The following MBTD1 variants were observed in gnomAD, a reference collection of about 807,000 sequenced individuals.
MBTD1 encodes mbt domain containing 1, also known as MBT domain-containing protein 1.
In MBTD1, 24 loss-of-function variants were observed where a neutral mutation model predicts 87.8. The observed-to-expected ratio is 0.27, with a 90% CI of 0.20 to 0.38. MBTD1 has a LOEUF of 0.38. Ranked by LOEUF, MBTD1 falls within the 10% of genes least tolerant of loss-of-function variation. The pLI is 1.00. For missense variants in MBTD1, 436 were observed against 760.2 expected (o/e 0.57, Z 5.02); for synonymous variants, 237 against 248.6 (o/e 0.95, Z 0.44).
intron 6 of MBTD1, among the ~76,000 whole-genome samples, chr17:51,211,691 T>C (rs1428727443): frequency 2.6e-5 from 4 of 152,010 alleles, no homozygotes; most frequent in South Asian, 2.1e-4. Flanking sequence ...GAATGCTACA[T>C]TGAAGATTTT....
intron 12 of MBTD1, among the ~76,000 whole-genome samples, chr17:51,196,040 T>C (rs1028955283): frequency 2.0e-5 from 3 of 152,134 alleles, no homozygotes; most frequent in Non-Finnish European, 2.9e-5. Flanking sequence ...CCTGAGTAGC[T>C]AGGACTACAG....
intron 2 of MBTD1, among the ~76,000 whole-genome samples, chr17:51,247,203 T>C (rs1283162393): frequency 6.6e-6 from 1 of 152,200 alleles, no homozygotes; most frequent in Non-Finnish European, 1.5e-5. Flanking sequence ...TTTTTCGGCT[T>C]CTATAAAGAG....
intron 13 of MBTD1, among the ~76,000 whole-genome samples, chr17:51,194,727 GA>G (rs202219609): frequency 0.16 from 20,828 of 133,168 alleles, 1,667 homozygotes; most frequent in Admixed American, 0.24. Context: ...TACATACAAA[GA>G]AAAAAAAAAA....
intron 2 of MBTD1, among the ~76,000 whole-genome samples, chr17:51,242,915 C>T (rs762311110): frequency 6.6e-6 from 1 of 152,162 alleles, no homozygotes; most frequent in Non-Finnish European, 1.5e-5. Context: ...AGTGCACTGA[C>T]ATCTTCCTTA....
chr17:51,203,749 C>T (rs755044469), intron 8 of MBTD1, 42 bp downstream of exon 8: 1 of 1,573,274 alleles, frequency 6.4e-7, no homozygotes, highest in African/African-American at 1.4e-5. Context: ...CATTAAAGTA[C>T]ACATATAAAA....
At position 51,201,616 on chromosome 17, in the gene MBTD1, T is replaced by C; in HGVS notation, c.1200A>G (p.Thr400=). The C allele has an allele frequency of 1.2e-6, 2 of 1,607,236 alleles. No individual in the cohort carries two copies. Among genetic ancestry groups the C allele is most frequent in the Non-Finnish European group, 1.7e-6 (2 of 1,175,812 alleles). ...CCTTTCTAATGGTTGCGACACATAT[T>C]GTAGAAAGATTTAATGGGTCTATAG... ...LEAIDPLNLS[T]ICVATIRKVL... is the part of the protein sequence containing the mutation. Residue 400 remains threonine (T), a synonymous_variant, in exon 12 of 17, where the codon ACA becomes ACG. Transcript: ENST00000586178.
chr17:51,227,766 G>A (rs1012500343), intron 2 of MBTD1, among the ~76,000 whole-genome samples: 1 of 151,832 alleles, frequency 6.6e-6, no homozygotes, highest in South Asian at 2.1e-4. Flanking sequence ...CCTAGTCCAC[G>A]TGGGGAAATC....
At chr17:51,192,402 C>A in intron 15 of MBTD1, 122 bp from the exon 16 acceptor site, 2 of 711,630 alleles carry the variant, frequency 2.8e-6, no homozygotes, top group South Asian at 1.9e-5. Context: ...GTACATGATG[C>A]TCTGAAAATA....
intron 12 of MBTD1, among the ~76,000 whole-genome samples, chr17:51,197,914 C>G (rs979101476): frequency 6.6e-6 from 1 of 152,168 alleles, no homozygotes; most frequent in Admixed American, 6.5e-5. Context: ...TTCTGGAATG[C>G]TCTTTCACCT....
intron 12 of MBTD1, among the ~76,000 whole-genome samples, chr17:51,196,220 C>T (rs911164669): frequency 1.3e-5 from 2 of 150,242 alleles, no homozygotes; most frequent in African/African-American, 4.9e-5. Flanking sequence ...CTGTGCCCAC[C>T]CTGCCTTTTT....
At chr17:51,249,397 A>G (rs2054642291) in intron 2 of MBTD1, among the ~76,000 whole-genome samples, 1 of 152,134 alleles carries the variant, frequency 6.6e-6, no homozygotes, top group Non-Finnish European at 1.5e-5. Context: ...ATTTCTTCTT[A>G]TACTTCATAT....
chr17:51,211,833 C>T (rs1016812008), intron 6 of MBTD1, among the ~76,000 whole-genome samples: 3 of 151,350 alleles, frequency 2.0e-5, no homozygotes, highest in Non-Finnish European at 4.4e-5. Context: ...TACTAATAAG[C>T]ACATAACTGA....
chr17:51,234,182 CAGG>C (rs1450133454), intron 2 of MBTD1, among the ~76,000 whole-genome samples: 1 of 151,912 alleles, frequency 6.6e-6, no homozygotes, highest in Non-Finnish European at 1.5e-5. Flanking sequence ...CTGAGGTCGT[CAGG>C]AGTTCGAGAC....
At chr17:51,243,975 A>G (rs1264687628) in intron 2 of MBTD1, among the ~76,000 whole-genome samples, 1 of 152,208 alleles carries the variant, frequency 6.6e-6, no homozygotes, top group Non-Finnish European at 1.5e-5. Context: ...TTGTAACCAG[A>G]GTCACAAGAT....
chr17:51,207,382 C>T (rs3815411), intron 6 of MBTD1, among the ~76,000 whole-genome samples: 50,422 of 152,026 alleles, frequency 0.33, 10,351 homozygotes, highest in East Asian at 0.6. Context: ...TTTAAAAGAT[C>T]TGGCCTAAGA....
rs56750454 is a variant in MBTD1 at position 51,179,484 on chromosome 17, T to TTATA, written c.*1088_*1091dup. The TTATA allele has an allele frequency of 2.5e-3, 88 of 35,228 alleles. 1 individual carries two copies. The highest frequency in any genetic ancestry group is 4.0e-3 in the Non-Finnish European group (68 of 16,988). 2.2% of individuals were successfully genotyped at this position (35,228 alleles called of 1,614,324 possible). On this transcript the variant is annotated 3_prime_UTR_variant, in exon 17 of 17. Coordinates refer to ENST00000586178, the MANE Select transcript of MBTD1 (RefSeq NM_017643.3). ...ATCCTGAATACAATTAAAGACAATT[T>TTATA]TATATATATATATATATATATATAT... is the stretch of plus-strand genomic sequence containing the variant.
At chr17:51,234,508 G>A (rs1010717672) in intron 2 of MBTD1, among the ~76,000 whole-genome samples, 1 of 151,788 alleles carries the variant, frequency 6.6e-6, no homozygotes, top group African/African-American at 2.4e-5. Context: ...TGACAACTTG[G>A]ATGAAATGGA....
chr17:51,228,459 C>G (rs1052146164), intron 2 of MBTD1, among the ~76,000 whole-genome samples: 11 of 149,158 alleles, frequency 7.4e-5, no homozygotes, highest in Admixed American at 2.7e-4. Flanking sequence ...GGTCTTATGT[C>G]TCCTCCAAGA....
chr17:51,209,728 G>C (rs1476965195), intron 6 of MBTD1, among the ~76,000 whole-genome samples: 4 of 152,188 alleles, frequency 2.6e-5, no homozygotes, highest in Admixed American at 6.5e-5. Flanking sequence ...TAATCTGTAA[G>C]TGGGCAGAGA....
Sources: gnomAD v4.1 joint callset for allele counts (sites outside exome capture counted in the v4.1 genomes callset) on GRCh38, gnomAD v4.1.1 for gene constraint, MANE v1.5 for transcripts, NCBI Gene and HGNC (gene_info 2026-07-23, HGNC 2026-07-21) for gene names.